STK3: variants seen among roughly 807,000 people sequenced by gnomAD.
The protein encoded by STK3 is serine/threonine-protein kinase 3.
STK3 carries 41 observed loss-of-function variants against 58.0 expected under a neutral mutation model. That is an observed-to-expected ratio of 0.71 (90% CI 0.55 to 0.92). The LOEUF is 0.92. Among genes scored for constraint, STK3 ranks in the 40% least tolerant of loss-of-function variants. The pLI is 0.00. For missense variants in STK3, 479 were observed against 602.7 expected, an observed-to-expected ratio of 0.79 and a Z score of 2.15; for synonymous variants, 170 against 191.0, an observed-to-expected ratio of 0.89 and a Z score of 0.91.
intron 3 of STK3, among the ~76,000 whole-genome samples, chr8:98,863,855 G>A (rs765432715): frequency 6.6e-6 from 1 of 152,078 alleles, no homozygotes; most frequent in Non-Finnish European, 1.5e-5. Context: ...ACTAATTTAT[G>A]GCAAATGGAA....
intron 10 of STK3, among the ~76,000 whole-genome samples, chr8:98,500,898 G>A (rs1823531917): frequency 6.6e-6 from 1 of 152,192 alleles, no homozygotes; most frequent in African/African-American, 2.4e-5. Flanking sequence ...ATAGTAGCAT[G>A]ATTTATAATC....
intron 4 of STK3, chr8:98,722,926 A>C (rs1198853506): frequency 2.0e-6 from 1 of 501,072 alleles, no homozygotes; most frequent in Admixed American, 2.1e-5. Flanking sequence ...ATCCATTCTC[A>C]AATCACAGCT....
intron 4 of STK3, among the ~76,000 whole-genome samples, chr8:98,707,836 C>T (rs573371294): frequency 9.9e-4 from 150 of 152,140 alleles, no homozygotes; most frequent in African/African-American, 3.3e-3. Context: ...TCAAATTTCT[C>T]TCTTTAAGAT....
At chr8:98,638,358 A>C (rs1383226878) in intron 6 of STK3, 4 of 152,246 alleles carry the variant, frequency 2.6e-5, no homozygotes, top group Non-Finnish European at 5.9e-5. Context: ...TAACTGAAGA[A>C]TATTATGTTC....
At chr8:98,688,124 T>C (rs993157850) in intron 6 of STK3, among the ~76,000 whole-genome samples, 2 of 152,122 alleles carry the variant, frequency 1.3e-5, no homozygotes, top group African/African-American at 4.8e-5. Flanking sequence ...AGAGGTCTTA[T>C]ATTAGATAAA....
At chr8:98,426,439 C>A (rs967471818) in intron 3 of STK3, among the ~76,000 whole-genome samples, 1 of 152,218 alleles carries the variant, frequency 6.6e-6, no homozygotes, top group Admixed American at 6.5e-5. Context: ...CCGGCCTGGA[C>A]ACAAACTGTG....
intron 1 of STK3, among the ~76,000 whole-genome samples, chr8:98,784,966 C>A (rs1326716407): frequency 1.3e-5 from 2 of 151,820 alleles, no homozygotes; most frequent in Non-Finnish European, 2.9e-5. Context: ...CTGCTTCACA[C>A]TCAGACAGAT....
intron 10 of STK3, among the ~76,000 whole-genome samples, chr8:98,515,795 T>C (rs1209634389): frequency 1.3e-5 from 2 of 152,056 alleles, no homozygotes; most frequent in East Asian, 3.9e-4. Flanking sequence ...TTTTTTAAAA[T>C]TTTATTATTA....
At chr8:98,367,957 T>G (rs1256986800), downstream of STK3, among the ~76,000 whole-genome samples, 1 of 152,248 alleles carries the variant, frequency 6.6e-6, no homozygotes, top group African/African-American at 2.4e-5. Context: ...TCAGAAGCAG[T>G]GGGCTGAATG....
chr8:98,608,077 T>C (rs1816909481), intron 6 of STK3, among the ~76,000 whole-genome samples: 1 of 152,158 alleles, frequency 6.6e-6, no homozygotes. Flanking sequence ...CTTTAGAAAA[T>C]TATCACTGTT....
intron 1 of STK3, among the ~76,000 whole-genome samples, chr8:98,824,733 A>G (rs1835141305): frequency 6.6e-6 from 1 of 152,304 alleles, no homozygotes; most frequent in South Asian, 2.1e-4. Flanking sequence ...CACACCTTTC[A>G]TCTAAAGATC....
At chr8:98,715,320 G>A (rs571896298) in intron 4 of STK3, among the ~76,000 whole-genome samples, 1 of 151,920 alleles carries the variant, frequency 6.6e-6, no homozygotes, top group African/African-American at 2.4e-5. Context: ...CACAGCAGAA[G>A]AAACTACCAT....
intron 10 of STK3, among the ~76,000 whole-genome samples, chr8:98,520,482 C>T (rs1240099843): frequency 3.9e-5 from 6 of 152,016 alleles, no homozygotes; most frequent in African/African-American, 9.7e-5. Context: ...GGTGCCTTTC[C>T]GAATAAGTTT....
intron 10 of STK3, among the ~76,000 whole-genome samples, chr8:98,470,454 G>T (rs998843736): frequency 6.6e-6 from 1 of 152,126 alleles, no homozygotes; most frequent in African/African-American, 2.4e-5. Flanking sequence ...TTTCACAGGG[G>T]TGTTCACTGC....
chr8:98,556,273 T>C (rs1811578585), intron 8 of STK3, among the ~76,000 whole-genome samples: 1 of 152,080 alleles, frequency 6.6e-6, no homozygotes, highest in East Asian at 1.9e-4. Context: ...AGGTGCCTGA[T>C]AGAAACAAAT....
chr8:98,413,957 T>C (rs1467043363), intron 3 of STK3, among the ~76,000 whole-genome samples: 1 of 152,174 alleles, frequency 6.6e-6, no homozygotes, highest in African/African-American at 2.4e-5. Context: ...CTGAAAACCA[T>C]ATTCTTCTCT....
intron 2 of STK3, among the ~76,000 whole-genome samples, chr8:98,434,875 A>G (rs986642543): frequency 2.6e-5 from 4 of 152,242 alleles, no homozygotes; most frequent in African/African-American, 9.6e-5. Context: ...AGAAGGGAAA[A>G]GAGCAGAGAG....
intron 10 of STK3, among the ~76,000 whole-genome samples, chr8:98,520,770 C>A (rs1219446619): frequency 6.6e-6 from 1 of 151,922 alleles, no homozygotes; most frequent in Non-Finnish European, 1.5e-5. Flanking sequence ...TTTAATGAGT[C>A]ATATTTTTTA....
At chr8:98,665,457 C>G (rs1348790170) in intron 6 of STK3, among the ~76,000 whole-genome samples, 2 of 152,244 alleles carry the variant, frequency 1.3e-5, no homozygotes. Flanking sequence ...AGTGCAGTGG[C>G]ACAATCATGA....
Sources: gnomAD v4.1 joint callset for allele counts (sites outside exome capture counted in the v4.1 genomes callset) on GRCh38, gnomAD v4.1.1 for gene constraint, MANE v1.5 for transcripts, NCBI Gene and HGNC (gene_info 2026-07-23, HGNC 2026-07-21) for gene names.